DPYD: variants seen among roughly 807,000 people sequenced by gnomAD.
DPYD encodes dihydropyrimidine dehydrogenase [NADP(+)].
Under a neutral mutation model 116.2 loss-of-function variants are expected in DPYD, and 109 were observed. The ratio of observed to expected loss-of-function variants is 0.94; its 90% CI spans 0.80 to 1.10. The LOEUF (loss-of-function observed/expected upper bound fraction) is 1.10, where lower values mean the gene tolerates loss of function less well. DPYD is among the 50% of genes least tolerant of loss of function. The pLI is 0.00. For synonymous variants in DPYD, 440 were observed against 432.0 expected, an observed-to-expected ratio of 1.02 and a Z score of -0.23; for missense variants, 1,302 against 1,254.5, an observed-to-expected ratio of 1.04 and a Z score of -0.57.
At chr1:97,763,258 T>C (rs186914990) in intron 3 of DPYD, among the ~76,000 whole-genome samples, 184 of 152,208 alleles carry the variant, frequency 1.2e-3, no homozygotes, top group Admixed American at 2.2e-3. Context: ...ATTATATTTC[T>C]AGCACAGTGC....
intron 10 of DPYD, among the ~76,000 whole-genome samples, chr1:97,577,838 T>C (rs568847114): frequency 3.7e-4 from 56 of 151,624 alleles, no homozygotes; most frequent in African/African-American, 1.3e-3. Flanking sequence ...TTTATTTTAA[T>C]TAATTAATTA....
At chr1:97,464,284 A>G (rs923765180) in intron 13 of DPYD, among the ~76,000 whole-genome samples, 1 of 125,450 alleles carries the variant, frequency 8.0e-6, no homozygotes. Context: ...AAAATAAAAT[A>G]AAGAAAAGAA....
chr1:97,433,633 T>C (rs912542058), intron 14 of DPYD, among the ~76,000 whole-genome samples: 4 of 152,130 alleles, frequency 2.6e-5, no homozygotes, highest in African/African-American at 9.7e-5. Flanking sequence ...GAAGCAGAAG[T>C]CCTGCCTGAA....
At chr1:97,729,597 A>G (rs1012748906) in intron 4 of DPYD, among the ~76,000 whole-genome samples, 10 of 152,160 alleles carry the variant, frequency 6.6e-5, no homozygotes, top group Non-Finnish European at 1.5e-4. Context: ...GAAAGAAAGA[A>G]GCAAAATGTA....
chr1:97,467,176 C>A (rs1677377859), intron 13 of DPYD, among the ~76,000 whole-genome samples: 1 of 152,186 alleles, frequency 6.6e-6, no homozygotes, highest in Non-Finnish European at 1.5e-5. Flanking sequence ...TCTGTACCTC[C>A]ACCGAATGGA....
At chr1:97,748,695 C>T (rs1198417767) in intron 3 of DPYD, among the ~76,000 whole-genome samples, 5 of 152,146 alleles carry the variant, frequency 3.3e-5, no homozygotes, top group Admixed American at 6.5e-5. Context: ...AGTGCTCATA[C>T]GCGTTTAAGA....
intron 14 of DPYD, among the ~76,000 whole-genome samples, chr1:97,431,885 C>T (rs943549502): frequency 6.6e-6 from 1 of 152,082 alleles, no homozygotes; most frequent in Admixed American, 6.6e-5. Flanking sequence ...TTCCCAGCCT[C>T]TGGTAATCGC....
At chr1:97,120,366 G>A (rs1038405605) in intron 20 of DPYD, among the ~76,000 whole-genome samples, 2 of 152,026 alleles carry the variant, frequency 1.3e-5, no homozygotes, top group Admixed American at 6.6e-5. Context: ...TTTCCTTTCA[G>A]CGCCTTTGCC....
chr1:97,712,647 T>C (rs1400481953), intron 5 of DPYD, among the ~76,000 whole-genome samples: 2 of 152,210 alleles, frequency 1.3e-5, no homozygotes, highest in South Asian at 2.1e-4. Context: ...TATGGCTTTG[T>C]ATCAGGTGTG....
chr1:97,827,225 T>TA (rs1262091576), intron 3 of DPYD, among the ~76,000 whole-genome samples: 7 of 152,140 alleles, frequency 4.6e-5, no homozygotes, highest in Non-Finnish European at 1.0e-4. Context: ...TTAATCTCTT[T>TA]AGCCTTAACA....
At chr1:97,879,300 T>C (rs892380584) in intron 2 of DPYD, among the ~76,000 whole-genome samples, 1 of 152,004 alleles carries the variant, frequency 6.6e-6, no homozygotes. Flanking sequence ...GCACCTTGTA[T>C]GTGTCATGCA....
intron 11 of DPYD, among the ~76,000 whole-genome samples, chr1:97,560,295 A>C (rs917581698): frequency 2.0e-5 from 3 of 152,218 alleles, no homozygotes; most frequent in Non-Finnish European, 2.9e-5. Flanking sequence ...CACAAAAGCC[A>C]AGTAAAGAGG....
chr1:97,820,616 C>T (rs891748397), intron 3 of DPYD, among the ~76,000 whole-genome samples: 1 of 152,192 alleles, frequency 6.6e-6, no homozygotes, highest in Non-Finnish European at 1.5e-5. Context: ...AAAGCCAGCA[C>T]AGATAAACTG....
chr1:97,445,544 T>G (rs192735255), intron 14 of DPYD, among the ~76,000 whole-genome samples: 2 of 152,282 alleles, frequency 1.3e-5, no homozygotes, highest in African/African-American at 4.8e-5. Context: ...CCTTCATGAA[T>G]ATTCATAGCT....
intron 14 of DPYD, among the ~76,000 whole-genome samples, chr1:97,440,377 A>G (rs567367866): frequency 2.3e-4 from 35 of 151,724 alleles, no homozygotes; most frequent in Non-Finnish European, 4.1e-4. Context: ...CTTATCATCT[A>G]TATACTATAT....
intron 2 of DPYD, among the ~76,000 whole-genome samples, chr1:97,880,258 CAAG>C (rs943610785): frequency 2.0e-5 from 3 of 151,574 alleles, no homozygotes; most frequent in Non-Finnish European, 3.0e-5. Flanking sequence ...TGAAGAAAAA[CAAG>C]AAGGAGATGT....
intron 8 of DPYD, among the ~76,000 whole-genome samples, chr1:97,645,066 T>A (rs1033454373): frequency 6.6e-6 from 1 of 152,162 alleles, no homozygotes; most frequent in East Asian, 1.9e-4. Flanking sequence ...TTTTAAAACT[T>A]ACAGTATTCT....
intron 18 of DPYD, among the ~76,000 whole-genome samples, chr1:97,278,154 C>T (rs890080603): frequency 6.6e-6 from 1 of 152,152 alleles, no homozygotes; most frequent in South Asian, 2.1e-4. Flanking sequence ...CTCTTGATTG[C>T]AGCTTAATAT....
intron 11 of DPYD, among the ~76,000 whole-genome samples, chr1:97,551,107 T>C (rs930278950): frequency 2.0e-4 from 30 of 152,280 alleles, no homozygotes; most frequent in Non-Finnish European, 1.0e-4. Flanking sequence ...GATGGATGAA[T>C]GAATGAATGA....
Sources: allele counts gnomAD v4.1 joint callset (sites outside exome capture counted in the v4.1 genomes callset), GRCh38; gene constraint gnomAD v4.1.1; transcripts MANE v1.5; gene names NCBI Gene and HGNC (gene_info 2026-07-23, HGNC 2026-07-21).